FXN: variants seen among roughly 807,000 people sequenced by gnomAD.
FXN encodes the protein frataxin, mitochondrial.
In FXN, 14 loss-of-function variants were observed where a neutral mutation model predicts 22.4. That is an observed-to-expected ratio of 0.62 (90% CI 0.41 to 0.98). FXN has a LOEUF of 0.98. Among genes scored for constraint, FXN ranks in the 50% least tolerant of loss-of-function variants. The pLI is 0.00. For missense variants in FXN, 267 were observed against 268.4 expected, an observed-to-expected ratio of 0.99 and a Z score of 0.04; for synonymous variants, 120 against 114.1, an observed-to-expected ratio of 1.05 and a Z score of -0.33.
intron 2 of FXN, 46 bp from the exon 3 acceptor site, chr9:69,053,094 G>C: frequency 6.3e-7 from 1 of 1,598,586 alleles, no homozygotes; most frequent in Non-Finnish European, 8.5e-7. Flanking sequence ...TTAATAAAAT[G>C]GAAGCATTTG....
chr9:69,052,369 G>T (rs1034640876), intron 2 of FXN, among the ~76,000 whole-genome samples: 1 of 151,852 alleles, frequency 6.6e-6, no homozygotes, highest in Non-Finnish European at 1.5e-5. Context: ...GGCCTGGCTA[G>T]TTTCAAACTC....
Position 69,075,291 on chromosome 9 carries a change from C to G in FXN, c.*2529C>G, listed in dbSNP as rs1832345322. On this transcript the variant is annotated 3_prime_UTR_variant, in exon 5 of 5. Coordinates refer to ENST00000484259, the MANE Select transcript of FXN (RefSeq NM_000144.5). ...TGGCCAACATGGCAAAATCCCGTCT[C>G]TACTAAAAATATTAAAAAATTGGCT... The G allele has an allele frequency of 1.5e-6, 1 of 662,376 alleles. No homozygotes were observed. Among genetic ancestry groups the G allele is most frequent in the Non-Finnish European group, 1.9e-6 (1 of 535,506 alleles). The allele number at this position is 662,376 out of a possible 1,614,324, so 41.0% of individuals were successfully genotyped here.
At chr9:69,067,611 A>AAAC (rs201044395) in intron 4 of FXN, among the ~76,000 whole-genome samples, 2,062 of 152,240 alleles carry the variant, frequency 0.014, 48 homozygotes, top group African/African-American at 0.047. Flanking sequence ...CAAAGCCTCA[A>AAAC]AACAACAACA....
At position 69,035,771 on chromosome 9, in the gene FXN, A is replaced by C. The variant is rs1251170174; in HGVS notation, c.-12A>C. On this transcript the variant is annotated 5_prime_UTR_variant, in exon 1 of 5. Transcript: ENST00000484259. ...CGCTGGAGGGCGGAGCGGGCGGCAG[A>C]CCCGGAGCAGCATGTGGACTCTCGG... 3 of 1,499,912 alleles carry C rather than the reference A, an allele frequency of 2.0e-6. No homozygotes were observed. The highest frequency in any genetic ancestry group is 1.8e-6 in the Non-Finnish European group (2 of 1,130,096). The allele number at this position is 1,499,912 out of a possible 1,614,324, so 92.9% of individuals were successfully genotyped here. A position where few individuals can be genotyped will look rare whatever the true frequency, so the allele number is the denominator to read the frequency against.
At chr9:69,047,525 G>C (rs1349468804) in intron 2 of FXN, among the ~76,000 whole-genome samples, 3 of 152,124 alleles carry the variant, frequency 2.0e-5, no homozygotes, top group Non-Finnish European at 4.4e-5. Context: ...ACAAATCCCT[G>C]CTTCAGCCTC....
At chr9:69,064,675 T>C (rs1282853111) in intron 3 of FXN, among the ~76,000 whole-genome samples, 1 of 152,182 alleles carries the variant, frequency 6.6e-6, no homozygotes, top group Admixed American at 6.5e-5. Context: ...TTCACCACCA[T>C]TCTCACCTTG....
At chr9:69,042,395 A>T (rs1489973840) in intron 1 of FXN, among the ~76,000 whole-genome samples, 1 of 152,080 alleles carries the variant, frequency 6.6e-6, no homozygotes, top group Middle Eastern at 3.2e-3. Flanking sequence ...GAATACCCTC[A>T]GGCTCTGTAC....
rs1832326750 is a variant in FXN, at chr9:69,074,241, G to A, written c.*1479G>A. 1.0e-6 allele frequency: 1 copy of A among 975,876 alleles called. No individual in the cohort carries two copies. Among genetic ancestry groups the A allele is most frequent in the Non-Finnish European group, 1.2e-6 (1 of 821,584 alleles). The allele number at this position is 975,876 out of a possible 1,614,324, so 60.5% of individuals were successfully genotyped here. A position where few individuals can be genotyped will look rare whatever the true frequency, so the allele number is the denominator to read the frequency against. ...GCCATCCTTTATTGTACCCTTACTG[G>A]GTTAATCGTATTATACCACATTACC... On this transcript the variant is annotated 3_prime_UTR_variant, in exon 5 of 5. Coordinates refer to ENST00000484259, the MANE Select transcript of FXN (RefSeq NM_000144.5).
Position 69,078,503 on chromosome 9 carries a change from CAA to C in FXN, c.*5742_*5743del. ...TCTCCAGGGTAAGCTTTCAGAAAGG[CAA>C]TCTCTTGTCTGTAAAACCTAAGCAG... is the stretch of plus-strand genomic sequence containing the variant. On this transcript the variant is annotated 3_prime_UTR_variant, in exon 5 of 5. Transcript: ENST00000484259. 1 of 666,386 alleles carries C rather than the reference CAA, an allele frequency of 1.5e-6. No individual in the cohort carries two copies. The highest frequency in any genetic ancestry group is 1.8e-6 in the Non-Finnish European group (1 of 563,120). 41.3% of individuals were successfully genotyped at this position (666,386 alleles called of 1,614,324 possible).
chr9:69,054,804 G>T (rs1256155624), intron 3 of FXN, among the ~76,000 whole-genome samples: 2 of 152,182 alleles, frequency 1.3e-5, no homozygotes, highest in African/African-American at 4.8e-5. Flanking sequence ...ACCGCGCCTG[G>T]CTCCTCAAAG....
intron 4 of FXN, 30 bp downstream of exon 4, chr9:69,065,065 T>G (rs546654612): frequency 1.3e-6 from 2 of 1,527,888 alleles, no homozygotes; most frequent in African/African-American, 2.7e-5. Flanking sequence ...AGTCAACATA[T>G]GTAATTCTTA....
chr9:69,049,970 C>T (rs1360712878), intron 2 of FXN, among the ~76,000 whole-genome samples: 2 of 152,186 alleles, frequency 1.3e-5, no homozygotes, highest in Admixed American at 6.5e-5. Context: ...ACCCTGTAAG[C>T]TCAAGACATA....
At chr9:69,040,377 AT>A (rs1304941997) in intron 1 of FXN, among the ~76,000 whole-genome samples, 2 of 152,226 alleles carry the variant, frequency 1.3e-5, no homozygotes, top group African/African-American at 4.8e-5. Context: ...ATATGTAAAT[AT>A]TTATACGCTG....
intron 3 of FXN, among the ~76,000 whole-genome samples, chr9:69,054,321 G>A (rs1219049872): frequency 6.6e-6 from 1 of 152,138 alleles, no homozygotes; most frequent in East Asian, 1.9e-4. Context: ...CTTCTGAGTT[G>A]GATGAAACAT....
intron 1 of FXN, among the ~76,000 whole-genome samples, chr9:69,037,329 G>C (rs1831579603): frequency 6.7e-6 from 1 of 150,304 alleles, no homozygotes; most frequent in South Asian, 2.1e-4. Flanking sequence ...AGCCGGGCGT[G>C]GTGTCGCGCG....
At chr9:69,068,392 A>G (rs1453905378) in intron 4 of FXN, among the ~76,000 whole-genome samples, 1 of 152,226 alleles carries the variant, frequency 6.6e-6, no homozygotes, top group East Asian at 1.9e-4. Context: ...CAGAAGTTCT[A>G]CAATGACTGA....
intron 3 of FXN, 112 bp from the exon 4 acceptor site, chr9:69,064,826 G>T (rs9411181): frequency 4.5e-5 from 32 of 718,704 alleles, no homozygotes; most frequent in Non-Finnish European, 7.1e-5. Flanking sequence ...GGTGTATTTT[G>T]TGTACTTGTA....
chr9:69,045,724 T>A (rs1831740544), intron 1 of FXN, among the ~76,000 whole-genome samples: 1 of 152,142 alleles, frequency 6.6e-6, no homozygotes, highest in Non-Finnish European at 1.5e-5. Flanking sequence ...GTGAATTTAC[T>A]CCGAAACTAG....
chr9:69,072,697 C>T lies in FXN; in HGVS notation c.568C>T (p.Leu190Phe). Reference sequence around the variant, plus strand: ...CCTCCATGAGCTGCTGGCCGCAGAGCTCACTAAAGCCTTAAAAACCAAACT... The same window carrying T: ...CCTCCATGAGCTGCTGGCCGCAGAGTTCACTAAAGCCTTAAAAACCAAACT... ...VSLHELLAAELTKALKTKLDL... is the reference protein window; with the variant it reads ...VSLHELLAAEFTKALKTKLDL... Residue 190 changes from leucine to phenylalanine, a missense_variant, in exon 5 of 5, where the codon CTC becomes TTC. Leu to Phe is a conservative substitution (Grantham distance 22, BLOSUM62 0). Transcript: ENST00000484259. 1.2e-6 allele frequency: 2 copies of T among 1,614,200 alleles called. No individual in the cohort carries two copies. Among genetic ancestry groups the T allele is most frequent in the Non-Finnish European group, 1.7e-6 (2 of 1,180,042 alleles).
Sources: allele counts gnomAD v4.1 joint callset (sites outside exome capture counted in the v4.1 genomes callset), GRCh38; gene constraint gnomAD v4.1.1; transcripts MANE v1.5; gene names NCBI Gene and HGNC (gene_info 2026-07-23, HGNC 2026-07-21).